HAGH: variants seen among roughly 807,000 people sequenced by gnomAD.
HAGH encodes the protein hydroxyacylglutathione hydrolase, mitochondrial.
A neutral mutation model predicts 35.1 loss-of-function variants in HAGH; 29 were observed. That is an observed-to-expected ratio of 0.83 (90% confidence interval 0.62 to 1.13). The LOEUF is 1.13. Ranked by LOEUF, HAGH falls within the 50% of genes most tolerant of loss-of-function variation. The probability of loss-of-function intolerance (pLI) is 0.00; values close to 1 mark genes in which losing one functional copy is unlikely to be tolerated. For synonymous variants in HAGH, 225 were observed against 176.1 expected, an observed-to-expected ratio of 1.28 and a Z score of -2.20; for missense variants, 478 against 419.6, an observed-to-expected ratio of 1.14 and a Z score of -1.22.
rs764042860 is a variant in HAGH, at chr16:1,822,377, C to T, written c.250-13G>A. ...CCGCGTCCACGACCTGCAGTGGCCC[C>T]GGGGAAGGACAAAGGCCTGTCACAC... is the stretch of plus-strand genomic sequence containing the variant. On this transcript the variant is annotated splice_polypyrimidine_tract_variant and intron_variant, in intron 2 of 8. Transcript: ENST00000397356. The T allele has an allele frequency of 3.7e-6, 6 of 1,600,882 alleles. No individual in the cohort carries two copies. Among genetic ancestry groups the T allele is most frequent in the South Asian group, 2.2e-5 (2 of 90,888 alleles).
intron 7 of HAGH, 122 bp from the exon 8 acceptor site, chr16:1,809,955 G>A: frequency 1.4e-6 from 1 of 720,812 alleles, no homozygotes; most frequent in Non-Finnish European, 2.5e-6. Flanking sequence ...CTTGAGCCCT[G>A]GAGTTTGAGA....
intron 8 of HAGH, 79 bp from the exon 9 acceptor site, chr16:1,809,461 G>T (rs765519858): frequency 1.4e-5 from 17 of 1,206,554 alleles, no homozygotes; most frequent in Non-Finnish European, 1.8e-5. Context: ...AGAGGAAGGC[G>T]ACTCGTGCTG....
chr16:1,809,730 C>G, intron 8 of HAGH, 24 bp downstream of exon 8: 3 of 1,563,500 alleles, frequency 1.9e-6, no homozygotes, highest in Non-Finnish European at 2.6e-6. Context: ...GGGGCCCGCG[C>G]CCACCACCTG....
chr16:1,809,448 T>A (rs761256179), intron 8 of HAGH, 66 bp from the exon 9 acceptor site: 1 of 1,342,580 alleles, frequency 7.4e-7, no homozygotes, highest in Admixed American at 1.7e-5. Flanking sequence ...CCAGGGCCAC[T>A]GCAGAGGAAG....
upstream of HAGH, chr16:1,826,857 A>G (rs939051266): frequency 2.5e-5 from 24 of 973,648 alleles, no homozygotes; most frequent in Non-Finnish European, 3.2e-5. Flanking sequence ...GTCGCAGCCA[A>G]TCAGCGCCCG....
chr16:1,817,066 G>C lies in HAGH; in HGVS notation c.646-72C>G, dbSNP rs116017565. 830 of 1,351,424 alleles carry C rather than the reference G, an allele frequency of 6.1e-4. 6 individuals are homozygous for C. In the African/African-American group the frequency reaches 0.01, roughly 17 times the overall value. The allele number at this position is 1,351,424 out of a possible 1,614,324, so 83.7% of individuals were successfully genotyped here. A position where few individuals can be genotyped will look rare whatever the true frequency, so the allele number is the denominator to read the frequency against. On this transcript the variant is annotated intron_variant, in intron 6 of 8. Coordinates refer to ENST00000397356, the MANE Select transcript of HAGH (RefSeq NM_005326.6). ...TGAAAGTCCTCAGGGACGGGACCTG[G>C]ATGCCCCCGGGGGGTGTCCGGTGAG...
intron 8 of HAGH, 49 bp from the exon 9 acceptor site, chr16:1,809,431 G>T (rs1628812): frequency 2.8e-5 from 41 of 1,486,496 alleles, no homozygotes; most frequent in Admixed American, 2.2e-4. Context: ...CACGCCCACC[G>T]GAGGAGCCAG....
At position 1,822,343 on chromosome 16, in the gene HAGH, G is replaced by A. The variant is rs201573342; in HGVS notation, c.271C>T (p.His91Tyr). Residue 91 changes from histidine to tyrosine, a missense_variant, in exon 3 of 9, where the codon CAC (histidine) becomes TAC (tyrosine). Transcript: ENST00000397356. ...PQKVVDAARK[H>Y]GVKLTTVLTT... ...AGCACTGTGGTCAGTTTCACCCCGTGCTTTCTCGCCGCGTCCACGACCTGC... is the reference window on the plus strand; with the variant it reads ...AGCACTGTGGTCAGTTTCACCCCGTACTTTCTCGCCGCGTCCACGACCTGC... The A allele has an allele frequency of 6.2e-7, 1 of 1,611,698 alleles. No individual in the cohort carries two copies. The highest frequency in any genetic ancestry group is 1.1e-5 in the South Asian group (1 of 91,050).
chr16:1,819,802 T>C, intron 4 of HAGH, 95 bp downstream of exon 4: 1 of 798,800 alleles, frequency 1.3e-6, no homozygotes, highest in South Asian at 1.4e-5. Flanking sequence ...CCCGGGTCAC[T>C]GGGGTAAGGG....
At position 1,809,750 on chromosome 16, in the gene HAGH, TC is replaced by T; in HGVS notation, c.827+3del. 6.2e-7 allele frequency: 1 copy of T among 1,606,478 alleles called. No individual in the cohort carries two copies. The highest frequency in any genetic ancestry group is 8.5e-7 in the Non-Finnish European group (1 of 1,173,036). On this transcript the variant is annotated splice_donor_region_variant and intron_variant, in intron 8 of 8. Coordinates refer to ENST00000397356, the MANE Select transcript of HAGH (RefSeq NM_005326.6). ...CCGCGCCCACCACCTGCCCTGGGCC[TC>T]ACCTCACTCTCATGAAGGGGTTGTA...
intron 1 of HAGH, among the ~76,000 whole-genome samples, chr16:1,823,275 C>T (rs200581212): frequency 5.3e-4 from 75 of 141,736 alleles, no homozygotes; most frequent in South Asian, 6.9e-4. Context: ...TTTTTTTTTT[C>T]TTTTTTTTTT....
rs1279710388 is a variant in HAGH, at chr16:1,817,199, A to G, written c.614T>C (p.Leu205Pro). ...GTADEMCKALLEVLGRLPPDT... is the reference protein window; with the variant it reads ...GTADEMCKALPEVLGRLPPDT... ...CGGGGGGAGCCGGCCCAAGACCTCC[A>G]GCAGAGCTTTACACATCTCATCCGC... Residue 205 changes from leucine (L) to proline (P), a missense_variant, in exon 6 of 9, where the codon CTG becomes CCG. Leu to Pro is a moderately conservative substitution (Grantham distance 98). Coordinates refer to ENST00000397356, the MANE Select transcript of HAGH (RefSeq NM_005326.6). The G allele has an allele frequency of 6.2e-7, 1 of 1,612,846 alleles. No homozygotes were observed. The highest frequency in any genetic ancestry group is 1.7e-5 in the Admixed American group (1 of 60,010).
intron 7 of HAGH, among the ~76,000 whole-genome samples, chr16:1,813,461 C>T (rs868322075): frequency 1.3e-4 from 20 of 152,196 alleles, no homozygotes; most frequent in African/African-American, 3.9e-4. Flanking sequence ...AGTTAATACG[C>T]ATCCACTGTA....
At chr16:1,822,803 C>A (rs753901423) in intron 2 of HAGH, 62 bp downstream of exon 2, 3 of 1,419,782 alleles carry the variant, frequency 2.1e-6, no homozygotes, top group African/African-American at 2.8e-5. Context: ...GGAAACCCAT[C>A]GGGGGTGAGG....
rs1351009738 is a variant in HAGH at position 1,809,989 on chromosome 16, C to G, written c.748-156G>C. The G allele has an allele frequency of 2.4e-5, 15 of 619,542 alleles. No individual in the cohort carries two copies. In the Admixed American group the frequency reaches 4.0e-4, roughly 17 times the overall value. 38.4% of individuals were successfully genotyped at this position (619,542 alleles called of 1,614,324 possible). ...GACCAGCCTGGACAACATGGCGAGA[C>G]CCTGTGTCTACTAAAAATACAAAAA... On this transcript the variant is annotated intron_variant, in intron 7 of 8. Coordinates refer to ENST00000397356, the MANE Select transcript of HAGH (RefSeq NM_005326.6).
rs768877180 is a variant in HAGH at position 1,822,953 on chromosome 16, A to G, written c.161T>C (p.Leu54Pro). The change falls in exon 2 of 9, where the codon CTG becomes CCG. Residue 54 changes from leucine (L) to proline (P), a missense_variant. Transcript: ENST00000397356. ...CATGTAGTTGTCGGTCAGGGCAGGC[A>G]GCACCTCTACCTTCATGGTGCCCTC... Reference protein sequence around the residue: ...VDEGTMKVEVLPALTDNYMYL... With the variant: ...VDEGTMKVEVPPALTDNYMYL... The G allele has an allele frequency of 6.2e-7, 1 of 1,613,682 alleles. No homozygotes were observed.
At chr16:1,818,280 C>T (rs1221003291) in intron 5 of HAGH, among the ~76,000 whole-genome samples, 4 of 152,156 alleles carry the variant, frequency 2.6e-5, no homozygotes, top group South Asian at 2.1e-4. Flanking sequence ...CCTCCCACAC[C>T]GGCACCACCC....
At chr16:1,818,016 C>T (rs1415929013) in intron 5 of HAGH, among the ~76,000 whole-genome samples, 2 of 152,230 alleles carry the variant, frequency 1.3e-5, no homozygotes, top group South Asian at 2.1e-4. Flanking sequence ...CTTCTGGGCA[C>T]GAGAGATGGG....
chr16:1,814,185 A>G (rs1897784297), intron 7 of HAGH, among the ~76,000 whole-genome samples: 1 of 151,544 alleles, frequency 6.6e-6, no homozygotes, highest in Non-Finnish European at 1.5e-5. Flanking sequence ...TAAAAGAAAA[A>G]TTGAGTAGGC....
Sources: allele counts gnomAD v4.1 joint callset (sites outside exome capture counted in the v4.1 genomes callset), GRCh38; gene constraint gnomAD v4.1.1; transcripts MANE v1.5; gene names NCBI Gene and HGNC (gene_info 2026-07-23, HGNC 2026-07-21).